Variants in INVS observed in about 807,000 individuals in gnomAD.
INVS encodes inversin, also known as inversion of embryo turning homolog.
In INVS, 86 loss-of-function variants were observed where a neutral mutation model predicts 108.8. That is an observed-to-expected ratio of 0.79 (90% CI 0.66 to 0.95). The LOEUF (loss-of-function observed/expected upper bound fraction) is 0.95, where lower values mean the gene tolerates loss of function less well. Among genes scored for constraint, INVS ranks in the 40% least tolerant of loss-of-function variants. INVS has a pLI of 0.00. For missense variants in INVS, 1,169 were observed against 1,297.4 expected (o/e 0.90, Z 1.52); for synonymous variants, 455 against 473.5 (o/e 0.96, Z 0.51).
At chr9:100,173,557 G>A (rs138537442) in intron 3 of INVS, among the ~76,000 whole-genome samples, 2,189 of 152,042 alleles carry the variant, frequency 0.014, 36 homozygotes, top group African/African-American at 0.05. Flanking sequence ...GTGAAACCCC[G>A]TCTCTACTAA....
intron 5 of INVS, among the ~76,000 whole-genome samples, chr9:100,236,669 G>C (rs7019960): frequency 6.6e-6 from 1 of 152,074 alleles, no homozygotes; most frequent in African/African-American, 2.4e-5. Flanking sequence ...CCCTGTTTGC[G>C]TGGGTATCAC....
intron 2 of INVS, among the ~76,000 whole-genome samples, chr9:100,123,838 TTC>T (rs1419025744): frequency 1.3e-5 from 2 of 152,266 alleles, no homozygotes; most frequent in African/African-American, 4.8e-5. Flanking sequence ...GTGGTTTTTG[TTC>T]TGTTACCCAG....
At chr9:100,168,374 A>T (rs577070002) in intron 3 of INVS, among the ~76,000 whole-genome samples, 1 of 152,294 alleles carries the variant, frequency 6.6e-6, no homozygotes, top group East Asian at 1.9e-4. Flanking sequence ...GCCTGTCATA[A>T]TGTTATGATT....
intron 3 of INVS, among the ~76,000 whole-genome samples, chr9:100,168,837 A>C (rs1047530785): frequency 6.6e-6 from 1 of 152,214 alleles, no homozygotes; most frequent in African/African-American, 2.4e-5. Flanking sequence ...ACTTTAAATG[A>C]CATTTTTAAG....
At chr9:100,198,034 C>T (rs1830428536) in intron 3 of INVS, among the ~76,000 whole-genome samples, 1 of 151,966 alleles carries the variant, frequency 6.6e-6, no homozygotes, top group Non-Finnish European at 1.5e-5. Context: ...AGCCAGAAAC[C>T]GTGGACAAAA....
At chr9:100,295,925 C>G (rs1833776345) in intron 14 of INVS, among the ~76,000 whole-genome samples, 1 of 152,140 alleles carries the variant, frequency 6.6e-6, no homozygotes, top group Non-Finnish European at 1.5e-5. Context: ...CTAGACTTGG[C>G]TTTTTGGAAA....
Position 100,284,360 on chromosome 9 carries a change from CA to C in INVS, c.1830del (p.Gly611GlufsTer56). On this transcript the variant is annotated frameshift_variant, in exon 13 of 17. Transcript: ENST00000262457. LOFTEE classifies it high-confidence loss of function. ...AAACAAACGAAAAGAGGCAGAACAG[CA>C]AAAAGGAAGGCGGAGCCCAGATTCC... ...EENKRKEAEQ[Q>X]KGRRSPDSCR... The C allele has an allele frequency of 6.2e-7, 1 of 1,613,570 alleles. No individual in the cohort carries two copies. The highest frequency in any genetic ancestry group is 8.5e-7 in the Non-Finnish European group (1 of 1,180,038).
intron 2 of INVS, among the ~76,000 whole-genome samples, chr9:100,113,267 ATAT>A (rs1827402536): frequency 6.9e-6 from 1 of 145,248 alleles, no homozygotes; most frequent in Non-Finnish European, 1.5e-5. Flanking sequence ...TTCTGTTATT[ATAT>A]GTGTTGAATC....
chr9:100,268,184 G>A (rs1832849718), intron 11 of INVS, among the ~76,000 whole-genome samples: 1 of 152,110 alleles, frequency 6.6e-6, no homozygotes, highest in Admixed American at 6.5e-5. Context: ...GAAAGTAAGA[G>A]AGGAACGTAT....
At chr9:100,139,077 T>C (rs1397532152) in intron 3 of INVS, among the ~76,000 whole-genome samples, 2 of 152,232 alleles carry the variant, frequency 1.3e-5, no homozygotes, top group African/African-American at 4.8e-5. Context: ...GAGATTTCTT[T>C]TACAAACATA....
chr9:100,261,522 C>G (rs1258333850), intron 10 of INVS, among the ~76,000 whole-genome samples: 2 of 152,082 alleles, frequency 1.3e-5, no homozygotes, highest in Non-Finnish European at 2.9e-5. Flanking sequence ...CTGCCTTAGC[C>G]TCCCAAAGTG....
At chr9:100,100,725 C>CATATAATATATATATTATATATACAT (rs1826850560) in intron 1 of INVS, among the ~76,000 whole-genome samples, 106 of 7,400 alleles carry the variant, frequency 0.014, 10 homozygotes, top group Admixed American at 0.02. Flanking sequence ...ATTATATGTA[C>CATATAATATATATATTATATATACAT]ATATAATATA....
chr9:100,225,524 G>C (rs993513812), intron 3 of INVS, among the ~76,000 whole-genome samples: 1 of 151,986 alleles, frequency 6.6e-6, no homozygotes, highest in Non-Finnish European at 1.5e-5. Context: ...TGCTTATTTC[G>C]CATTATTACA....
intron 3 of INVS, among the ~76,000 whole-genome samples, chr9:100,140,432 GA>G (rs1006892021): frequency 2.7e-4 from 41 of 152,276 alleles, no homozygotes; most frequent in African/African-American, 9.9e-4. Context: ...CCAGGAGAAG[GA>G]ATTTCACAAG....
rs1833965256 is a variant in INVS, at chr9:100,301,351, C to T, written c.*677C>T. On this transcript the variant is annotated 3_prime_UTR_variant, in exon 17 of 17. Coordinates refer to ENST00000262457, the MANE Select transcript of INVS (RefSeq NM_014425.5). ...TCAAGGCCACAAGTTGCCGCCACGT[C>T]TTCACTGAATGGCTTTCTCAGTGCT... Among the ~76,000 whole-genome samples the T allele has an allele frequency of 6.6e-6, 1 of 152,186 alleles. No homozygotes were observed. The highest frequency in any genetic ancestry group is 1.5e-5 in the Non-Finnish European group (1 of 68,036).
At chr9:100,133,804 C>CACACACACACACACACAT (rs968843499) in intron 3 of INVS, among the ~76,000 whole-genome samples, 1 of 143,514 alleles carries the variant, frequency 7.0e-6, no homozygotes, top group Admixed American at 6.8e-5. Flanking sequence ...CACACACACA[C>CACACACACACACACACAT]ATACACACAT....
intron 11 of INVS, among the ~76,000 whole-genome samples, chr9:100,267,720 T>C (rs541678659): frequency 6.6e-5 from 10 of 152,370 alleles, no homozygotes; most frequent in Non-Finnish European, 1.5e-4. Context: ...AAAGATTCAG[T>C]AGTAATAATC....
At position 100,127,499 on chromosome 9, in the gene INVS, G is replaced by A. The variant is rs548117547; in HGVS notation, c.273+950G>A. 1.1e-4 allele frequency among the ~76,000 whole-genome samples: 17 copies of A among 152,034 alleles called. 1 individual carries two copies. The South Asian group carries it at 2.9e-3, about 26-fold the overall frequency. ...TTGGTCCATAAAATAGATTTCCAGT[G>A]CCTGGTATTTTTCTTTTTGTTATTT... On this transcript the variant is annotated intron_variant, in intron 3 of 16. Coordinates refer to ENST00000262457, the MANE Select transcript of INVS (RefSeq NM_014425.5).
At chr9:100,253,301 C>CTA (rs914991864) in intron 10 of INVS, among the ~76,000 whole-genome samples, 165 bp downstream of exon 10, 2 of 151,862 alleles carry the variant, frequency 1.3e-5, no homozygotes, top group African/African-American at 4.8e-5. Flanking sequence ...CAGTCTTTTT[C>CTA]TATATATATA....
Sources: allele counts gnomAD v4.1 joint callset (sites outside exome capture counted in the v4.1 genomes callset), GRCh38; gene constraint gnomAD v4.1.1; transcripts MANE v1.5; gene names NCBI Gene and HGNC (gene_info 2026-07-23, HGNC 2026-07-21).